ATF6: variants seen among roughly 807,000 people sequenced by gnomAD.
ATF6 encodes the protein cyclic AMP-dependent transcription factor ATF-6 alpha.
A neutral mutation model predicts 83.6 loss-of-function variants in ATF6; 53 were observed. The ratio of observed to expected loss-of-function variants is 0.63; its 90% CI spans 0.51 to 0.80. The LOEUF is 0.80. Among genes scored for constraint, ATF6 ranks in the 30% least tolerant of loss-of-function variants. ATF6 has a pLI of 0.00. For missense variants in ATF6, 744 were observed against 797.9 expected (o/e 0.93, Z 0.81); for synonymous variants, 288 against 285.8 (o/e 1.01, Z -0.08).
intron 15 of ATF6, among the ~76,000 whole-genome samples, chr1:161,914,156 G>C (rs1276358236): frequency 6.6e-6 from 1 of 152,094 alleles, no homozygotes; most frequent in East Asian, 1.9e-4. Flanking sequence ...AAGAAATATT[G>C]ATTGAATATA....
chr1:161,901,330 A>T (rs1687781544), intron 14 of ATF6, among the ~76,000 whole-genome samples: 1 of 152,068 alleles, frequency 6.6e-6, no homozygotes, highest in African/African-American at 2.4e-5. Flanking sequence ...CCAAAGGAAG[A>T]TATACAAATG....
At chr1:161,803,377 A>G (rs1685203445) in intron 7 of ATF6, among the ~76,000 whole-genome samples, 1 of 152,238 alleles carries the variant, frequency 6.6e-6, no homozygotes, top group Non-Finnish European at 1.5e-5. Flanking sequence ...ATTGAAAACA[A>G]TGCATGTCAA....
chr1:161,813,956 C>G (rs1470815293), intron 7 of ATF6, among the ~76,000 whole-genome samples: 2 of 149,804 alleles, frequency 1.3e-5, no homozygotes, highest in Non-Finnish European at 3.0e-5. Context: ...GTGATCTCGG[C>G]TCACCACAAC....
chr1:161,837,067 C>T (rs1051306520), intron 9 of ATF6, among the ~76,000 whole-genome samples: 34 of 152,092 alleles, frequency 2.2e-4, no homozygotes, highest in Non-Finnish European at 2.9e-5. Flanking sequence ...ATTTTCAGTA[C>T]TTAATATAGC....
intron 14 of ATF6, among the ~76,000 whole-genome samples, chr1:161,898,800 G>A (rs1279020162): frequency 6.6e-6 from 1 of 152,002 alleles, no homozygotes; most frequent in Non-Finnish European, 1.5e-5. Context: ...CTCCCACCTC[G>A]GCCTCCCAAG....
At chr1:161,788,439 A>G (rs914126329) in intron 4 of ATF6, among the ~76,000 whole-genome samples, 4 of 152,082 alleles carry the variant, frequency 2.6e-5, no homozygotes, top group Non-Finnish European at 5.9e-5. Context: ...GGAATTCCTC[A>G]TATACTTGAA....
rs746887984 is a variant in ATF6, at chr1:161,821,100, C to T, written c.1126C>T (p.Arg376Ter). The stretch of plus-strand genomic sequence containing the variant: ...GAGGCTTAAAGTCCCTAGTCCAAAG[C>T]GAAGAGTTGTCTGTGTGATGATAGT... ...NQRLKVPSPK[R>*]RVVCVMIVLA... is the part of the protein sequence containing the mutation. Residue 376 changes from arginine to a stop codon, truncating the protein, a stop_gained, in exon 9 of 16, where the codon CGA becomes TGA. Coordinates refer to ENST00000367942, the MANE Select transcript of ATF6 (RefSeq NM_007348.4). LOFTEE classifies it high-confidence loss of function. The T allele has an allele frequency of 1.2e-5, 20 of 1,612,688 alleles. No individual in the cohort carries two copies. The highest frequency in any genetic ancestry group is 2.2e-5 in the South Asian group (2 of 90,968).
At chr1:161,848,563 A>T (rs531387560) in intron 10 of ATF6, among the ~76,000 whole-genome samples, 2 of 152,116 alleles carry the variant, frequency 1.3e-5, no homozygotes, top group Admixed American at 6.6e-5. Flanking sequence ...TGACCATATA[A>T]TGTTCTATCA....
intron 6 of ATF6, among the ~76,000 whole-genome samples, chr1:161,799,400 AG>A (rs1685092293): frequency 6.6e-6 from 1 of 152,190 alleles, no homozygotes; most frequent in African/African-American, 2.4e-5. Context: ...AGACATAAAA[AG>A]GGGACAATAG....
chr1:161,912,268 A>G lies in ATF6; in HGVS notation c.1720-28A>G, dbSNP rs113495049. On this transcript the variant is annotated intron_variant, in intron 14 of 15. Transcript: ENST00000367942. ...TCTAGGACTAAGCCAATTGTTATAT[A>G]TAACAGATTGTTCTTTGTTAATTTT... 5.7e-4 allele frequency: 897 copies of G among 1,562,838 alleles called. 7 individuals are homozygous for G. In the African/African-American group the frequency reaches 9.4e-3, roughly 16 times the overall value.
chr1:161,955,269 T>G (rs1397845977), intron 15 of ATF6, among the ~76,000 whole-genome samples: 1 of 152,198 alleles, frequency 6.6e-6, no homozygotes, highest in African/African-American at 2.4e-5. Flanking sequence ...TCTTCTCTGT[T>G]TCCCCAGTTA....
chr1:161,784,119 T>G, intron 4 of ATF6, 23 bp downstream of exon 4: 2 of 1,551,240 alleles, frequency 1.3e-6, no homozygotes, highest in Non-Finnish European at 8.9e-7. Flanking sequence ...TCTTTTACAA[T>G]GATTTTGGTT....
At chr1:161,851,941 C>A in intron 11 of ATF6, 106 bp downstream of exon 11, 1 of 803,008 alleles carries the variant, frequency 1.2e-6, no homozygotes, top group Non-Finnish European at 2.1e-6. Context: ...GAGAGAATCT[C>A]TGAATTATTT....
At chr1:161,868,904 T>C (rs1687066955) in intron 14 of ATF6, among the ~76,000 whole-genome samples, 1 of 152,140 alleles carries the variant, frequency 6.6e-6, no homozygotes, top group Non-Finnish European at 1.5e-5. Context: ...AACTTTGAGA[T>C]ACTTGCATCT....
rs1184047275 is a variant in ATF6 at position 161,963,533 on chromosome 1, T to A, written c.*4879T>A. ...TGCCAAGGCCAACAAACAACACTAT[T>A]GTGCTGTTTGCTCTCAATGAAGTTG... On this transcript the variant is annotated 3_prime_UTR_variant, in exon 16 of 16. Transcript: ENST00000367942. The A allele has an allele frequency of 1.3e-5, 2 of 152,234 alleles. No individual in the cohort carries two copies. The highest frequency in any genetic ancestry group is 2.9e-5 in the Non-Finnish European group (2 of 68,040). 9.4% of individuals were successfully genotyped at this position (152,234 alleles called of 1,614,324 possible). A position where few individuals can be genotyped will look rare whatever the true frequency, so the allele number is the denominator to read the frequency against.
chr1:161,820,983 G>A (rs890836540), intron 8 of ATF6, 87 bp from the exon 9 acceptor site: 6 of 822,294 alleles, frequency 7.3e-6, no homozygotes, highest in East Asian at 2.8e-5. Flanking sequence ...TTACGTAACC[G>A]GTAAAGAGGA....
At chr1:161,811,010 T>C (rs147419222) in intron 7 of ATF6, among the ~76,000 whole-genome samples, 6 of 152,372 alleles carry the variant, frequency 3.9e-5, no homozygotes, top group African/African-American at 1.4e-4. Flanking sequence ...CATTCATCAG[T>C]TGGTAGACAT....
At chr1:161,884,389 C>T (rs1238201982) in intron 14 of ATF6, among the ~76,000 whole-genome samples, 2 of 151,994 alleles carry the variant, frequency 1.3e-5, no homozygotes, top group Non-Finnish European at 1.5e-5. Context: ...TTAAAGAAAA[C>T]ATAAATGTGA....
chr1:161,839,655 G>A (rs1199149062), intron 9 of ATF6, among the ~76,000 whole-genome samples: 3 of 152,314 alleles, frequency 2.0e-5, no homozygotes, highest in Middle Eastern at 3.4e-3. Context: ...TTACAGGTGT[G>A]AGCCACTGTT....
Sources: gnomAD v4.1 joint callset for allele counts (sites outside exome capture counted in the v4.1 genomes callset) on GRCh38, gnomAD v4.1.1 for gene constraint, MANE v1.5 for transcripts, NCBI Gene and HGNC (gene_info 2026-07-23, HGNC 2026-07-21) for gene names.